SLC6A13: variants seen among roughly 807,000 people sequenced by gnomAD.
SLC6A13 encodes solute carrier family 6 member 13.
A neutral mutation model predicts 72.9 loss-of-function variants in SLC6A13; 69 were observed. The ratio of observed to expected loss-of-function variants is 0.95; its 90% CI spans 0.78 to 1.16. The LOEUF (loss-of-function observed/expected upper bound fraction) is 1.16. SLC6A13 is among the 50% of genes most tolerant of loss of function. SLC6A13 has a pLI of 0.00. For missense variants in SLC6A13, 735 were observed against 760.5 expected (o/e 0.97, Z 0.39); for synonymous variants, 303 against 303.0 (o/e 1.00, Z 0.00).
At chr12:228,276 C>T (rs1941550960) in intron 7 of SLC6A13, among the ~76,000 whole-genome samples, 1 of 152,168 alleles carries the variant, frequency 6.6e-6, no homozygotes, top group Non-Finnish European at 1.5e-5. Flanking sequence ...GTTATTATCT[C>T]AGCTGGCTCG....
At chr12:253,067 G>T (rs1254492224) in intron 2 of SLC6A13, among the ~76,000 whole-genome samples, 1 of 152,220 alleles carries the variant, frequency 6.6e-6, no homozygotes, top group Non-Finnish European at 1.5e-5. Context: ...GGGATGGGGG[G>T]TGGAGTTCAC....
rs7303844 is a variant in SLC6A13 at position 244,567 on chromosome 12, G to A, written c.203-754C>T. 7.7e-3 allele frequency among the ~76,000 whole-genome samples: 1,175 copies of A among 152,264 alleles called. 20 individuals are homozygous for A. Among genetic ancestry groups the A allele is most frequent in the African/African-American group, 0.026 (1,082 of 41,546 alleles). On this transcript the variant is annotated intron_variant, in intron 2 of 14. Coordinates refer to ENST00000343164, the MANE Select transcript of SLC6A13 (RefSeq NM_016615.5). ...TATCTGGGCATGGCTGTGTGTGCCT[G>A]TAATCCTAGCTACTCGGGAGGCTGA... is the stretch of plus-strand genomic sequence containing the variant.
At chr12:224,321 G>A (rs1432238420) in intron 10 of SLC6A13, 80 bp downstream of exon 10, 1 of 1,400,308 alleles carries the variant, frequency 7.1e-7, no homozygotes, top group Non-Finnish European at 1.0e-6. Context: ...ATCCACTTCT[G>A]ACATTCACCC....
chr12:253,205 T>A (rs1157624828), intron 2 of SLC6A13, among the ~76,000 whole-genome samples: 1 of 152,230 alleles, frequency 6.6e-6, no homozygotes, highest in East Asian at 1.9e-4. Context: ...TTGGCCCCCC[T>A]TCTCAAAAGG....
chr12:224,154 G>C (rs753778631), intron 10 of SLC6A13, 25 bp from the exon 11 acceptor site: 2 of 1,613,360 alleles, frequency 1.2e-6, no homozygotes, highest in South Asian at 1.1e-5. Flanking sequence ...AAAGGGATTG[G>C]AGGGAAGGAG....
At chr12:239,249 T>TC (rs1942070357) in intron 4 of SLC6A13, among the ~76,000 whole-genome samples, 2 of 31,142 alleles carry the variant, frequency 6.4e-5, no homozygotes, top group African/African-American at 1.2e-4. Flanking sequence ...CCCACACCAT[T>TC]CCCTTCAGCC....
chr12:232,854 A>G (rs1326006555), intron 7 of SLC6A13, among the ~76,000 whole-genome samples: 2 of 152,208 alleles, frequency 1.3e-5, no homozygotes, highest in East Asian at 3.9e-4. Flanking sequence ...TCAGGATGAA[A>G]GAATCAAAAC....
Position 242,562 on chromosome 12 carries a change from G to C in SLC6A13, c.478+52C>G. The C allele has an allele frequency of 2.6e-6, 4 of 1,567,036 alleles. No individual in the cohort carries two copies. In the South Asian group the frequency reaches 4.7e-5, roughly 18 times the overall value. Reference sequence around the variant, plus strand: ...GGATATAGTGACAAGCCCAATTCCGGTTAATGTGGCAGAACGAGAGGAGGA... The same window carrying C: ...GGATATAGTGACAAGCCCAATTCCGCTTAATGTGGCAGAACGAGAGGAGGA... On this transcript the variant is annotated intron_variant, in intron 4 of 14. Coordinates refer to ENST00000343164, the MANE Select transcript of SLC6A13 (RefSeq NM_016615.5).
intron 2 of SLC6A13, among the ~76,000 whole-genome samples, chr12:246,316 C>T (rs1197896572): frequency 2.0e-5 from 3 of 151,336 alleles, no homozygotes; most frequent in African/African-American, 7.3e-5. Flanking sequence ...GACTCTGTCT[C>T]AAAAATAAAT....
intron 11 of SLC6A13, among the ~76,000 whole-genome samples, chr12:223,503 C>T (rs1941306061): frequency 6.6e-6 from 1 of 152,116 alleles, no homozygotes; most frequent in Non-Finnish European, 1.5e-5. Context: ...AGGCACTGGC[C>T]ACGAAGCCCA....
rs1167576922 is a variant in SLC6A13, at chr12:254,630, C to T, written c.202+5221G>A. 6.6e-6 allele frequency among the ~76,000 whole-genome samples: 1 copy of T among 152,140 alleles called. No homozygotes were observed. The highest frequency in any genetic ancestry group is 2.4e-5 in the African/African-American group (1 of 41,400). On this transcript the variant is annotated intron_variant, in intron 2 of 14. Coordinates refer to ENST00000343164, the MANE Select transcript of SLC6A13 (RefSeq NM_016615.5). This position sits in a 1 kb window ranked among gnomAD's most constrained non-coding sequence, Gnocchi z 4.4. ...TTACCAGTTTCTCATTTTCTGTCTC[C>T]TCTGCTGGTTTCCCATCTTCTCCCA... is the stretch of plus-strand genomic sequence containing the variant.
At chr12:235,046 T>C (rs1336477570) in intron 7 of SLC6A13, 44 bp downstream of exon 7, 7 of 1,612,550 alleles carry the variant, frequency 4.3e-6, no homozygotes, top group Non-Finnish European at 5.9e-6. Context: ...TGAAGCTCAG[T>C]TGCCCTGGGA....
chr12:223,137 A>T lies in SLC6A13; in HGVS notation c.1409T>A (p.Val470Asp). ...CTAGGGGAGGAGTCACTCACCGTAA[A>T]CCCAAGCCACACAGAGGGACTCGAA... ...AIFESLCVAW[V>D]YGAKRFYDNI... Residue 470 changes from valine (V) to aspartate (D), a missense_variant, in exon 12 of 15, where the codon GTT (valine) becomes GAT (aspartate). Physicochemically the swap from Val to Asp is radical, Grantham distance 152. Transcript: ENST00000343164. 1 of 1,608,600 alleles carries T rather than the reference A, an allele frequency of 6.2e-7. No individual in the cohort carries two copies.
intron 13 of SLC6A13, 25 bp downstream of exon 13, chr12:222,507 G>A (rs762500982): frequency 2.0e-6 from 3 of 1,495,916 alleles, no homozygotes; most frequent in Non-Finnish European, 2.8e-6. Context: ...CCCTTCATCT[G>A]ACTTTATCCC....
chr12:226,601 C>T (rs1170971078), intron 8 of SLC6A13, 87 bp from the exon 9 acceptor site: 14 of 1,482,860 alleles, frequency 9.4e-6, no homozygotes, highest in Non-Finnish European at 1.3e-5. Flanking sequence ...GAGCACAGCC[C>T]CTCCTGGCGG....
chr12:231,353 C>T (rs982820322), intron 7 of SLC6A13, among the ~76,000 whole-genome samples: 1 of 152,224 alleles, frequency 6.6e-6, no homozygotes, highest in African/African-American at 2.4e-5. Flanking sequence ...CAGAGAGATG[C>T]GTCTTTGGTC....
intron 5 of SLC6A13, among the ~76,000 whole-genome samples, 168 bp from the exon 6 acceptor site, chr12:237,458 G>A (rs1591840145): frequency 6.6e-6 from 1 of 152,220 alleles, no homozygotes; most frequent in Non-Finnish European, 1.5e-5. Context: ...GGACATAAAG[G>A]TGGAGAATGG....
chr12:256,874 G>A (rs1189863991), intron 2 of SLC6A13, among the ~76,000 whole-genome samples: 1 of 152,122 alleles, frequency 6.6e-6, no homozygotes, highest in Non-Finnish European at 1.5e-5. Context: ...GCACAGCCTG[G>A]AGTATCCCAG....
intron 11 of SLC6A13, among the ~76,000 whole-genome samples, chr12:223,554 G>A (rs534109852): frequency 6.6e-6 from 1 of 152,140 alleles, no homozygotes; most frequent in East Asian, 1.9e-4. Context: ...TCAGGATAAG[G>A]GCTGTCATTG....
Sources: allele counts gnomAD v4.1 joint callset (sites outside exome capture counted in the v4.1 genomes callset), GRCh38; gene constraint gnomAD v4.1.1; non-coding constraint Gnocchi (gnomAD v3.1); transcripts MANE v1.5; gene names NCBI Gene and HGNC (gene_info 2026-07-23, HGNC 2026-07-21).